Variants in MAP3K15 observed in about 807,000 individuals in gnomAD.
MAP3K15 encodes mitogen-activated protein kinase kinase kinase 15.
MAP3K15 carries 124 observed loss-of-function variants against 99.5 expected under a neutral mutation model. That is an observed-to-expected ratio of 1.25 (90% confidence interval 1.08 to 1.45). The LOEUF is 1.45. Ranked by LOEUF, MAP3K15 falls within the 40% of genes most tolerant of loss-of-function variation. The pLI is 0.00. For synonymous variants in MAP3K15, 494 were observed against 439.6 expected (o/e 1.12, Z -1.55); for missense variants, 1,242 against 1,079.7 (o/e 1.15, Z -2.11).
At chrX:19,467,340 C>A (rs969828545) in intron 3 of MAP3K15, among the ~76,000 whole-genome samples, 1 of 110,575 alleles carries the variant, frequency 9.0e-6, no homozygotes, top group African/African-American at 3.3e-5. Context: ...CTTAGAAGAC[C>A]AGGCCACCAA....
In MAP3K15 at chrX:19,392,763, G is replaced by GT. The variant is rs747691566; in HGVS notation, c.2195-291dup. ...GTTTAGCTCTGTTCAGCTACATGAA[G>GT]TTAGGAGGAGAGCGAAATAATGCTC... On this transcript the variant is annotated intron_variant, in intron 16 of 28. Coordinates refer to ENST00000338883, the MANE Select transcript of MAP3K15 (RefSeq NM_001001671.4). Among the ~76,000 whole-genome samples the GT allele has an allele frequency of 8.9e-4, 99 of 111,703 alleles. No individual in the cohort carries two copies. The South Asian group carries it at 0.011, about 12-fold the overall frequency.
chrX:19,455,426 C>G (rs1602323268), intron 6 of MAP3K15, among the ~76,000 whole-genome samples: 1 of 104,556 alleles, frequency 9.6e-6, no homozygotes, highest in East Asian at 2.9e-4. Context: ...CTCACTACAG[C>G]ATCAACTTCC....
intron 11 of MAP3K15, among the ~76,000 whole-genome samples, chrX:19,410,693 A>G (rs990421495): frequency 6.3e-5 from 7 of 111,695 alleles, no homozygotes; most frequent in African/African-American, 2.3e-4. Flanking sequence ...ATGACTAATA[A>G]AAAAACTAAC....
chrX:19,428,831 T>A (rs1017210107), intron 7 of MAP3K15, among the ~76,000 whole-genome samples: 3 of 111,066 alleles, frequency 2.7e-5, no homozygotes, highest in African/African-American at 9.8e-5. Flanking sequence ...TAGCCGGGCA[T>A]GGTGGCATGT....
At chrX:19,371,296 C>T (rs925272958) in intron 23 of MAP3K15, 49 bp downstream of exon 23, 2 of 1,151,032 alleles carry the variant, frequency 1.7e-6, no homozygotes, top group South Asian at 1.9e-5. Context: ...GAGGTGGTAA[C>T]TGAATTCCAA....
chrX:19,380,721 T>G (rs2063453352), intron 18 of MAP3K15, among the ~76,000 whole-genome samples: 1 of 112,227 alleles, frequency 8.9e-6, no homozygotes, highest in Non-Finnish European at 1.9e-5. Context: ...AGACGAGGTT[T>G]TACCATGTGG....
intron 19 of MAP3K15, among the ~76,000 whole-genome samples, chrX:19,378,358 GA>G (rs1398494383): frequency 4.5e-5 from 5 of 112,333 alleles, no homozygotes; most frequent in Non-Finnish European, 9.4e-5. Flanking sequence ...CTGCTATGAA[GA>G]AATACCTGAG....
intron 1 of MAP3K15, among the ~76,000 whole-genome samples, chrX:19,489,416 C>A (rs2064351548): frequency 9.0e-6 from 1 of 110,936 alleles, no homozygotes; most frequent in South Asian, 3.8e-4. Flanking sequence ...CTGTCCGGAT[C>A]TATGTATTTG....
intron 8 of MAP3K15, 37 bp downstream of exon 8, chrX:19,426,194 T>G (rs781559778): frequency 2.6e-6 from 2 of 772,291 alleles, no homozygotes. Flanking sequence ...ACTTGTATAA[T>G]CAAAGCAACA....
Position 19,393,760 on chromosome X carries a change from C to CTT in MAP3K15, c.2195-1289_2195-1288dup, listed in dbSNP as rs761246318. 5.1e-3 allele frequency among the ~76,000 whole-genome samples: 309 copies of CTT among 60,232 alleles called. 47 individuals carry two copies. Among genetic ancestry groups the CTT allele is most frequent in the East Asian group, 0.02 (28 of 1,391 alleles). The allele number at this position is 60,232 out of a possible 115,157, so 52.3% of individuals were successfully genotyped here. On this transcript the variant is annotated intron_variant, in intron 16 of 28. Coordinates refer to ENST00000338883, the MANE Select transcript of MAP3K15 (RefSeq NM_001001671.4). ...TGAAAATCTAGCCCACTGCCTGGCTCTTTTTTTTTTTTTTTTTTTTTTTTT... is the reference window on the plus strand; with the variant it reads ...TGAAAATCTAGCCCACTGCCTGGCTCTTTTTTTTTTTTTTTTTTTTTTTTTTT...
chrX:19,430,119 C>T (rs908559129), intron 7 of MAP3K15, among the ~76,000 whole-genome samples: 15 of 112,312 alleles, frequency 1.3e-4, no homozygotes, highest in African/African-American at 4.9e-4. Flanking sequence ...TTCCTCCTAG[C>T]CAGAGGTGGA....
intron 5 of MAP3K15, 109 bp from the exon 6 acceptor site, chrX:19,457,128 TCC>T: frequency 2.0e-6 from 1 of 504,529 alleles, no homozygotes; most frequent in Non-Finnish European, 3.3e-6. Context: ...GACAGGCCCT[TCC>T]TTACAAAGGG....
At chrX:19,466,453 T>C (rs910247954) in intron 3 of MAP3K15, among the ~76,000 whole-genome samples, 2 of 111,271 alleles carry the variant, frequency 1.8e-5, no homozygotes, top group East Asian at 5.7e-4. Flanking sequence ...GATGGTTTTA[T>C]AAGGGGCTCT....
intron 13 of MAP3K15, among the ~76,000 whole-genome samples, chrX:19,403,915 T>A (rs930516899): frequency 4.5e-5 from 5 of 111,887 alleles, no homozygotes; most frequent in Non-Finnish European, 1.9e-5. Flanking sequence ...GCTGCTAACA[T>A]CATACTTAAT....
chrX:19,470,086 A>G (rs1004159593), intron 3 of MAP3K15, among the ~76,000 whole-genome samples: 3 of 112,079 alleles, frequency 2.7e-5, no homozygotes, highest in Non-Finnish European at 5.6e-5. Flanking sequence ...ATGCTGCTAT[A>G]AAGACACATG....
chrX:19,387,412 G>A (rs1183966930), intron 18 of MAP3K15, among the ~76,000 whole-genome samples: 1 of 111,555 alleles, frequency 9.0e-6, no homozygotes, highest in Non-Finnish European at 1.9e-5. Context: ...TGATTGACAG[G>A]GTCTCATTCT....
intron 9 of MAP3K15, among the ~76,000 whole-genome samples, chrX:19,415,702 G>T (rs1177313411): frequency 4.6e-5 from 5 of 109,690 alleles, no homozygotes; most frequent in Non-Finnish European, 7.6e-5. Context: ...CAGATAAACT[G>T]TGAAGCCTAG....
At position 19,361,029 on chromosome X, in the gene MAP3K15, C is replaced by T. The variant is rs963546680; in HGVS notation, c.3858-196G>A. On this transcript the variant is annotated intron_variant, in intron 28 of 28. Coordinates refer to ENST00000338883, the MANE Select transcript of MAP3K15 (RefSeq NM_001001671.4). ...AGAGAGCTGGCTATTTCAAATGACT[C>T]GGGAACAAGAAGGCAGGCTGCAGTT... 15 of 420,406 alleles carry T rather than the reference C, an allele frequency of 3.6e-5. No individual in the cohort carries two copies. Among genetic ancestry groups the T allele is most frequent in the Non-Finnish European group, 5.7e-5 (14 of 245,833 alleles). The allele number at this position is 420,406 out of a possible 1,213,427, so 34.6% of individuals were successfully genotyped here. A position where few individuals can be genotyped will look rare whatever the true frequency, so the allele number is the denominator to read the frequency against.
intron 9 of MAP3K15, among the ~76,000 whole-genome samples, chrX:19,419,897 G>A (rs1186206062): frequency 5.4e-5 from 6 of 111,721 alleles, no homozygotes; most frequent in East Asian, 5.6e-4. Context: ...ACTCAAAACC[G>A]CTCAACTACA....
Sources: allele counts gnomAD v4.1 joint callset (sites outside exome capture counted in the v4.1 genomes callset), GRCh38; gene constraint gnomAD v4.1.1; transcripts MANE v1.5; gene names NCBI Gene and HGNC (gene_info 2026-07-23, HGNC 2026-07-21).